The following RTN1 variants were observed in gnomAD, a reference collection of about 807,000 sequenced individuals.
RTN1 encodes reticulon-1.
RTN1 carries 25 observed loss-of-function variants against 65.5 expected under a neutral mutation model. The observed-to-expected ratio is 0.38, with a 90% CI of 0.28 to 0.53. The LOEUF (loss-of-function observed/expected upper bound fraction) is 0.53. Among genes scored for constraint, RTN1 ranks in the 20% least tolerant of loss-of-function variants. The pLI is 0.79. For synonymous variants in RTN1, 471 were observed against 447.6 expected (o/e 1.05, Z -0.66); for missense variants, 983 against 1,025.4 (o/e 0.96, Z 0.57).
intron 1 of RTN1, among the ~76,000 whole-genome samples, chr14:59,835,479 T>A (rs1887198096): frequency 6.6e-6 from 1 of 152,162 alleles, no homozygotes; most frequent in Non-Finnish European, 1.5e-5. Flanking sequence ...TCAATAAAAC[T>A]TTTTTAAAAG....
chr14:59,697,884 C>T (rs906526005), intron 3 of RTN1, among the ~76,000 whole-genome samples: 1 of 152,068 alleles, frequency 6.6e-6, no homozygotes, highest in Admixed American at 6.6e-5. Flanking sequence ...AACTCACATA[C>T]TTCTCAAAAA....
intron 3 of RTN1, among the ~76,000 whole-genome samples, chr14:59,611,876 G>A (rs994034603): frequency 3.3e-5 from 5 of 152,108 alleles, no homozygotes; most frequent in Non-Finnish European, 5.9e-5. Context: ...TCTCAGAGAC[G>A]GTTGCTGATG....
At chr14:59,708,982 C>T (rs956592166) in intron 3 of RTN1, among the ~76,000 whole-genome samples, 8 of 152,092 alleles carry the variant, frequency 5.3e-5, no homozygotes, top group Admixed American at 2.6e-4. Flanking sequence ...GAGATTTTTG[C>T]TCATTGGCTA....
chr14:59,799,678 C>A (rs555284527), intron 1 of RTN1, among the ~76,000 whole-genome samples: 9 of 152,278 alleles, frequency 5.9e-5, no homozygotes, highest in African/African-American at 1.7e-4. Flanking sequence ...TGGAAAAGGG[C>A]AGGAGAGCAG....
rs146891614 is a variant in RTN1, at chr14:59,848,897, T to C, written c.241+21493A>G. Among the ~76,000 whole-genome samples the C allele has an allele frequency of 2.0e-5, 3 of 152,324 alleles. No homozygotes were observed. In the East Asian group the frequency reaches 5.8e-4, roughly 29 times the overall value. ...GTCCATGTACACAAATCGTCACTGA[T>C]GAAAGGATAGGAAGGACTCCAAATC... On this transcript the variant is annotated intron_variant, in intron 1 of 8. Transcript: ENST00000267484.
At chr14:59,749,166 A>C (rs888237352) in intron 1 of RTN1, among the ~76,000 whole-genome samples, 4 of 95,582 alleles carry the variant, frequency 4.2e-5, no homozygotes, top group Non-Finnish European at 7.8e-5. Context: ...ATATCTATCT[A>C]TATATCTATC....
chr14:59,647,755 C>T (rs982015662), intron 3 of RTN1, among the ~76,000 whole-genome samples: 6 of 152,114 alleles, frequency 3.9e-5, no homozygotes, highest in African/African-American at 1.4e-4. Context: ...AAAGATACAA[C>T]ATACCAGAAT....
intron 1 of RTN1, among the ~76,000 whole-genome samples, chr14:59,761,901 T>C (rs540231729): frequency 3.3e-5 from 5 of 152,216 alleles, no homozygotes; most frequent in African/African-American, 1.2e-4. Context: ...TAAAGCAACA[T>C]CATGGAGAGT....
chr14:59,687,717 G>T (rs760917487), intron 3 of RTN1, among the ~76,000 whole-genome samples: 19 of 151,784 alleles, frequency 1.3e-4, no homozygotes, highest in Non-Finnish European at 2.5e-4. Context: ...TCACTTACCT[G>T]GATTAGCATC....
chr14:59,652,625 T>G (rs1392195066), intron 3 of RTN1, among the ~76,000 whole-genome samples: 1 of 151,934 alleles, frequency 6.6e-6, no homozygotes, highest in Non-Finnish European at 1.5e-5. Flanking sequence ...TGGAGCTAAA[T>G]GATGAGAACA....
At chr14:59,857,228 T>C (rs1887624590) in intron 1 of RTN1, among the ~76,000 whole-genome samples, 1 of 152,120 alleles carries the variant, frequency 6.6e-6, no homozygotes, top group South Asian at 2.1e-4. Context: ...CAAGGAGTAT[T>C]TGCTCTGTCC....
intron 3 of RTN1, among the ~76,000 whole-genome samples, chr14:59,642,537 A>G (rs1195366652): frequency 2.0e-5 from 3 of 151,760 alleles, no homozygotes; most frequent in Non-Finnish European, 4.4e-5. Flanking sequence ...GCCACTTCGG[A>G]TATTTGATAT....
At chr14:59,821,103 G>A (rs1267376381) in intron 1 of RTN1, among the ~76,000 whole-genome samples, 1 of 152,186 alleles carries the variant, frequency 6.6e-6, no homozygotes, top group African/African-American at 2.4e-5. Flanking sequence ...GCTTTGGGCA[G>A]TATAGCCATT....
At chr14:59,598,647 C>T (rs1441185954) in intron 8 of RTN1, among the ~76,000 whole-genome samples, 1 of 152,136 alleles carries the variant, frequency 6.6e-6, no homozygotes, top group African/African-American at 2.4e-5. Flanking sequence ...TCAGGGTACT[C>T]ACTCCTTCAT....
rs571245168 is a variant in RTN1, at chr14:59,758,286, A to G, written c.242-11805T>C. 4.6e-5 allele frequency among the ~76,000 whole-genome samples: 7 copies of G among 152,226 alleles called. No individual in the cohort carries two copies. The South Asian group carries it at 1.5e-3, about 32-fold the overall frequency. ...CTCTGCACTACTCTGCACATGGCTGACATATTCATCTCCCCAAAGCAGCAC... is the reference window on the plus strand; with the variant it reads ...CTCTGCACTACTCTGCACATGGCTGGCATATTCATCTCCCCAAAGCAGCAC... On this transcript the variant is annotated intron_variant, in intron 1 of 8. Coordinates refer to ENST00000267484, the MANE Select transcript of RTN1 (RefSeq NM_021136.3).
At chr14:59,762,599 G>T (rs992683173) in intron 1 of RTN1, among the ~76,000 whole-genome samples, 1 of 152,162 alleles carries the variant, frequency 6.6e-6, no homozygotes, top group South Asian at 2.1e-4. Flanking sequence ...GAGACTTAAC[G>T]GTTTGTGGCA....
At chr14:59,605,861 T>C (rs113051207) in intron 4 of RTN1, 2,446 of 168,160 alleles carry the variant, frequency 0.015, 30 homozygotes, top group African/African-American at 0.022. Flanking sequence ...TGGAGATAAA[T>C]TATCTTTTTT....
chr14:59,607,455 C>T lies in RTN1; in HGVS notation c.1803G>A (p.Thr601=), dbSNP rs560184790. ...GCAGGAAACTCCCAAACACGATGCC[C>T]GTCTGCTTGATGTCCCGCCAATACA... ...DLLYWRDIKQ[T]GIVFGSFLLL... Residue 601 remains threonine (T), a synonymous_variant, in exon 4 of 9, where the codon ACG becomes ACA. Transcript: ENST00000267484. 5.0e-6 allele frequency: 8 copies of T among 1,608,206 alleles called. No individual in the cohort carries two copies. The highest frequency in any genetic ancestry group is 4.5e-5 in the East Asian group (2 of 44,502).
intron 8 of RTN1, among the ~76,000 whole-genome samples, chr14:59,598,965 T>C (rs1881491929): frequency 6.6e-6 from 1 of 152,236 alleles, no homozygotes; most frequent in East Asian, 1.9e-4. Context: ...ATGCATCTGT[T>C]AAAATGTCCA....
Sources: allele counts gnomAD v4.1 joint callset (sites outside exome capture counted in the v4.1 genomes callset), GRCh38; gene constraint gnomAD v4.1.1; transcripts MANE v1.5; gene names NCBI Gene and HGNC (gene_info 2026-07-23, HGNC 2026-07-21).